The following PRR12 variants were observed in gnomAD, a reference collection of about 807,000 sequenced individuals.
PRR12 encodes the protein proline-rich protein 12.
A neutral mutation model predicts 138.0 loss-of-function variants in PRR12; 12 were observed. The observed-to-expected ratio is 0.09, with a 90% confidence interval of 0.06 to 0.14. The LOEUF is 0.14. PRR12 is among the 10% of genes least tolerant of loss of function. The pLI is 1.00. For synonymous variants in PRR12, 1,567 were observed against 1,291.7 expected, an observed-to-expected ratio of 1.21 and a Z score of -4.57; for missense variants, 2,692 against 2,861.3, an observed-to-expected ratio of 0.94 and a Z score of 1.35.
rs2080948942 is a variant in PRR12, at chr19:49,625,254, C to T, written c.5964+54C>T. The T allele has an allele frequency of 6.4e-6, 10 of 1,568,766 alleles. No homozygotes were observed. The East Asian group carries it at 1.8e-4, about 28-fold the overall frequency. ...CTGGGATTCCAACCTTTCTGACTTCCTCTTGGGATCTGAGGGTCCAAGCCC... is the reference window on the plus strand; with the variant it reads ...CTGGGATTCCAACCTTTCTGACTTCTTCTTGGGATCTGAGGGTCCAAGCCC... On this transcript the variant is annotated intron_variant, in intron 13 of 13. Transcript: ENST00000418929. This position sits in a 1 kb window ranked among gnomAD's most constrained non-coding sequence, Gnocchi z 5.5.
intron 6 of PRR12, among the ~76,000 whole-genome samples, chr19:49,610,805 A>AGTGCT (rs1337250543): frequency 6.6e-6 from 1 of 151,412 alleles, no homozygotes; most frequent in Admixed American, 6.6e-5. Context: ...GGCCTCCCAA[A>AGTGCT]GTGCTGGGAT....
rs1046874896 is a variant in PRR12 at position 49,616,009 on chromosome 19, C to T, written c.5287C>T (p.Arg1763Trp). The T allele has an allele frequency of 7.1e-6, 11 of 1,552,994 alleles. No individual in the cohort carries two copies. The highest frequency in any genetic ancestry group is 7.0e-6 in the Non-Finnish European group (8 of 1,148,020). Residue 1763 changes from arginine (R) to tryptophan (W), a missense_variant, in exon 9 of 14, where the codon CGG (arginine) becomes TGG (tryptophan). Transcript: ENST00000418929. The surrounding 1 kb of genome is among the most constrained non-coding windows in gnomAD (Gnocchi z 4.2). The stretch of plus-strand genomic sequence containing the variant: ...GCGGGGTGAGCGGGCCACCAGCGGA[C>T]GGCAGACACGGCCAGAGCGGAGTCT... ...PLRGERATSG[R>W]QTRPERSLAT...
rs777555271 is a variant in PRR12 at position 49,596,403 on chromosome 19, T to A, written c.2068T>A (p.Leu690Met). 3.1e-6 allele frequency: 5 copies of A among 1,603,654 alleles called. No individual in the cohort carries two copies. In the East Asian group the frequency reaches 1.1e-4, roughly 36 times the overall value. Residue 690 changes from leucine to methionine, a missense_variant, in exon 4 of 14, where the codon TTG (leucine) becomes ATG (methionine). Leu to Met is a conservative substitution (Grantham distance 15). Coordinates refer to ENST00000418929, the MANE Select transcript of PRR12 (RefSeq NM_020719.3). This position sits in a 1 kb window ranked among gnomAD's most constrained non-coding sequence, Gnocchi z 5.6. ...AGGPPGTPYE[L>M]AKEDPQRYHL... is the part of the protein sequence containing the mutation. ...GGGACCACCGGGTACACCCTACGAG[T>A]TGGCCAAGGAAGACCCCCAGAGGTA...
chr19:49,609,598 C>T (rs7259241), intron 6 of PRR12, among the ~76,000 whole-genome samples: 1,072 of 106,026 alleles, frequency 0.01, 9 homozygotes, highest in African/African-American at 0.034. Context: ...GAGACTGTCT[C>T]AAAAAAAAAA....
At chr19:49,604,956 A>G (rs764073178) in intron 6 of PRR12, among the ~76,000 whole-genome samples, 21 of 152,008 alleles carry the variant, frequency 1.4e-4, no homozygotes, top group African/African-American at 2.4e-4. Flanking sequence ...GGTTCAAGCA[A>G]TTCTCATAAC....
At chr19:49,611,796 G>T (rs1055080898) in intron 6 of PRR12, among the ~76,000 whole-genome samples, 2 of 147,752 alleles carry the variant, frequency 1.4e-5, no homozygotes, top group Non-Finnish European at 3.0e-5. Context: ...GGTGGCGGGC[G>T]CCTGTGGTCC....
rs762536935 is a variant in PRR12, at chr19:49,596,380, G to A, written c.2045G>A (p.Gly682Glu). 6.2e-7 allele frequency: 1 copy of A among 1,602,070 alleles called. No homozygotes were observed. Among genetic ancestry groups the A allele is most frequent in the African/African-American group, 1.3e-5 (1 of 74,930 alleles). The change falls in exon 4 of 14, where the codon GGA becomes GAA. Residue 682 changes from glycine to glutamate, a missense_variant. Physicochemically the swap from Gly to Glu is moderately conservative, Grantham distance 98 (BLOSUM62 -2). This residue lies in a region of PRR12 where 840 missense variants were observed against 689.8 expected (regional missense o/e 1.22). Transcript: ENST00000418929. The surrounding 1 kb of genome is among the most constrained non-coding windows in gnomAD (Gnocchi z 5.6). ...KGLGGSGGAG[G>E]PPGTPYELAK... is the part of the protein sequence containing the mutation. ...CTTGGGGGGAGTGGCGGGGCCGGGG[G>A]ACCACCGGGTACACCCTACGAGTTG... is the stretch of plus-strand genomic sequence containing the variant.
In PRR12 at chr19:49,605,703, C is replaced by T. The variant is rs533758197; in HGVS notation, c.4773+3785C>T. Among the ~76,000 whole-genome samples the T allele has an allele frequency of 5.3e-5, 8 of 152,362 alleles. No homozygotes were observed. The South Asian group carries it at 1.0e-3, about 20-fold the overall frequency. ...CCCATTTTACAGATGGGGAAGTTCACGTTCAGAGAAAGGGAGTCAGTCGCC... is the reference window on the plus strand; with the variant it reads ...CCCATTTTACAGATGGGGAAGTTCATGTTCAGAGAAAGGGAGTCAGTCGCC... On this transcript the variant is annotated intron_variant, in intron 6 of 13. Transcript: ENST00000418929.
chr19:49,603,705 T>A (rs577592403), intron 6 of PRR12, among the ~76,000 whole-genome samples: 57 of 151,886 alleles, frequency 3.8e-4, no homozygotes, highest in South Asian at 1.7e-3. Flanking sequence ...CTCGAAAAAA[T>A]AATAATAATA....
chr19:49,606,168 T>TG (rs1484333430), intron 6 of PRR12, among the ~76,000 whole-genome samples: 1 of 151,880 alleles, frequency 6.6e-6, no homozygotes, highest in African/African-American at 2.4e-5. Context: ...GCCTGGCAAA[T>TG]TTTTTTATTC....
intron 11 of PRR12, 55 bp downstream of exon 11, chr19:49,621,677 A>G: frequency 7.2e-7 from 1 of 1,390,086 alleles, no homozygotes; most frequent in African/African-American, 1.4e-5. Context: ...CATGGAGAAG[A>G]CATGTACGTG....
At chr19:49,617,126 G>A (rs760473800) in intron 9 of PRR12, among the ~76,000 whole-genome samples, 17 of 139,342 alleles carry the variant, frequency 1.2e-4, no homozygotes, top group South Asian at 4.4e-4. Context: ...ACAAGACTCC[G>A]TCTCAAAAAA....
chr19:49,622,111 A>G (rs1482935547), intron 11 of PRR12, among the ~76,000 whole-genome samples: 1 of 152,140 alleles, frequency 6.6e-6, no homozygotes, highest in Non-Finnish European at 1.5e-5. Context: ...GAATTCCGGG[A>G]TAGAATGTTA....
intron 4 of PRR12, 114 bp downstream of exon 4, chr19:49,598,127 G>C: frequency 8.7e-7 from 1 of 1,148,266 alleles, no homozygotes; most frequent in South Asian, 4.2e-5. Flanking sequence ...AGGCTGGAGT[G>C]CAGTGGCACG....
rs752583300 is a variant in PRR12, at chr19:49,596,450, C to A, written c.2115C>A (p.Arg705=). The change falls in exon 4 of 14, where the codon CGC becomes CGA. Residue 705 remains arginine, a synonymous_variant. Transcript: ENST00000418929. The surrounding 1 kb of genome is among the most constrained non-coding windows in gnomAD (Gnocchi z 5.6). ...GGTACCACCTGCAGAGTGTCATCCG[C>A]ACCAGTGCCAGCCTGGATGAGGGTG... ...PQRYHLQSVI[R]TSASLDEGAT... 3.1e-6 allele frequency: 5 copies of A among 1,611,292 alleles called. No individual in the cohort carries two copies. The Admixed American group carries it at 8.4e-5, about 27-fold the overall frequency.
At position 49,597,658 on chromosome 19, in the gene PRR12, C is replaced by T. The variant is rs1424772268; in HGVS notation, c.3323C>T (p.Ala1108Val). Residue 1108 changes from alanine (A) to valine (V), a missense_variant, in exon 4 of 14, where the codon GCC (alanine) becomes GTC (valine). By Grantham distance (64) the Ala-to-Val change is moderately conservative. Coordinates refer to ENST00000418929, the MANE Select transcript of PRR12 (RefSeq NM_020719.3). This position sits in a 1 kb window ranked among gnomAD's most constrained non-coding sequence, Gnocchi z 6.3. ...GAGTTCGAGGCGGACGAGGACAAGG[C>T]CGATGTTCCCGCCGACATCCGCCTC... is the stretch of plus-strand genomic sequence containing the variant. ...EYEFEADEDK[A>V]DVPADIRLNP... 5 of 1,605,154 alleles carry T rather than the reference C, an allele frequency of 3.1e-6. No individual in the cohort carries two copies. Among genetic ancestry groups the T allele is most frequent in the Non-Finnish European group, 4.2e-6 (5 of 1,176,868 alleles).
rs1423041255 is a variant in PRR12 at position 49,625,647 on chromosome 19, C to A, written c.*40C>A. ...GTGAGGGGGGCGCCTCCTCCATGAA[C>A]CGAGAATTGGGACAGAACCGTGTCC... On this transcript the variant is annotated 3_prime_UTR_variant, in exon 14 of 14. Coordinates refer to ENST00000418929, the MANE Select transcript of PRR12 (RefSeq NM_020719.3). This position sits in a 1 kb window ranked among gnomAD's most constrained non-coding sequence, Gnocchi z 5.5. 1.3e-6 allele frequency: 2 copies of A among 1,565,644 alleles called. No individual in the cohort carries two copies. The highest frequency in any genetic ancestry group is 1.7e-4 in the Middle Eastern group (1 of 5,848).
At chr19:49,617,644 TTAAA>T (rs2080899596) in intron 9 of PRR12, among the ~76,000 whole-genome samples, 2 of 152,082 alleles carry the variant, frequency 1.3e-5, no homozygotes, top group Non-Finnish European at 2.9e-5. Context: ...GGATAACTTC[TTAAA>T]TAAATAAAAG....
In PRR12 at chr19:49,624,997, A is replaced by ACTGGGG. The variant is rs1316442739; in HGVS notation, c.5868+19_5868+24dup. 3.1e-6 allele frequency: 5 copies of ACTGGGG among 1,602,028 alleles called. No individual in the cohort carries two copies. The highest frequency in any genetic ancestry group is 3.4e-5 in the Admixed American group (2 of 59,368). ...GAGCGTGGTCAGAGCCCAGGTGGGC[A>ACTGGGG]CTGGGGCTGGGGCTGGGAGTGGGGA... On this transcript the variant is annotated splice_region_variant and intron_variant, in intron 12 of 13. Coordinates refer to ENST00000418929, the MANE Select transcript of PRR12 (RefSeq NM_020719.3).
Sources: gnomAD v4.1 joint callset for allele counts (sites outside exome capture counted in the v4.1 genomes callset) on GRCh38, gnomAD v4.1.1 for gene constraint, gnomAD v4.1.1 regional missense constraint, Gnocchi (gnomAD v3.1) non-coding constraint, MANE v1.5 for transcripts, NCBI Gene and HGNC (gene_info 2026-07-23, HGNC 2026-07-21) for gene names.